Variants in DNAI7 observed in about 807,000 individuals in gnomAD.
DNAI7 encodes dynein axonemal intermediate chain 7.
In DNAI7, 78 loss-of-function variants were observed where a neutral mutation model predicts 86.6. The ratio of observed to expected loss-of-function variants is 0.90; its 90% CI spans 0.75 to 1.09. The LOEUF is 1.09. DNAI7 is among the 50% of genes least tolerant of loss of function. DNAI7 has a pLI of 0.00. For missense variants in DNAI7, 753 were observed against 810.2 expected, an observed-to-expected ratio of 0.93 and a Z score of 0.86; for synonymous variants, 274 against 273.0, an observed-to-expected ratio of 1.00 and a Z score of -0.04.
At chr12:25,130,631 T>C (rs887126673) in intron 9 of DNAI7, among the ~76,000 whole-genome samples, 13 of 152,094 alleles carry the variant, frequency 8.5e-5, no homozygotes, top group African/African-American at 3.1e-4. Context: ...TAAACTATCT[T>C]AAAGCCAGAG....
In DNAI7 at chr12:25,121,822, T is replaced by G. The variant is rs771635199; in HGVS notation, c.1170A>C (p.Gly390=). The change falls in exon 11 of 16, where the codon GGA becomes GGC. Residue 390 remains glycine, a synonymous_variant. Transcript: ENST00000395987. ...VDLCQFTTLG[G]VYHLDILELP... ...GCTCCAAAATATCCAAGTGGTATAC[T>G]CCACCCAGAGTTGTGAACTGGCATA... The G allele has an allele frequency of 1.9e-6, 3 of 1,607,146 alleles. No homozygotes were observed. Among genetic ancestry groups the G allele is most frequent in the African/African-American group, 1.3e-5 (1 of 74,538 alleles).
intron 2 of DNAI7, among the ~76,000 whole-genome samples, chr12:25,166,692 G>A (rs1297630319): frequency 3.3e-5 from 5 of 152,098 alleles, no homozygotes; most frequent in Non-Finnish European, 7.4e-5. Flanking sequence ...CATGGTTAGT[G>A]TGGTCAGAAT....
intron 1 of DNAI7, among the ~76,000 whole-genome samples, chr12:25,194,247 C>T (rs1430728681): frequency 6.6e-6 from 1 of 152,206 alleles, no homozygotes; most frequent in African/African-American, 2.4e-5. Context: ...CTGTGTGTTA[C>T]CCCATTTTAG....
intron 11 of DNAI7, among the ~76,000 whole-genome samples, chr12:25,120,222 T>G (rs1321910636): frequency 3.3e-5 from 5 of 151,540 alleles, no homozygotes; most frequent in Non-Finnish European, 7.4e-5. Flanking sequence ...ACCAAGGTCC[T>G]TAATGGATAG....
chr12:25,143,515 C>T (rs766212533), intron 9 of DNAI7, among the ~76,000 whole-genome samples: 5 of 152,166 alleles, frequency 3.3e-5, no homozygotes, highest in African/African-American at 1.2e-4. Flanking sequence ...TGAGCCACCA[C>T]GCCCGGCCTA....
intron 5 of DNAI7, 76 bp downstream of exon 5, chr12:25,155,235 C>G (rs1565750344): frequency 3.0e-6 from 2 of 667,388 alleles, no homozygotes; most frequent in East Asian, 5.6e-5. Context: ...AGTTTCTTTT[C>G]TTGGCATCAA....
chr12:25,146,674 A>G (rs1168541170), intron 8 of DNAI7, among the ~76,000 whole-genome samples: 2 of 152,196 alleles, frequency 1.3e-5, no homozygotes, highest in Non-Finnish European at 2.9e-5. Flanking sequence ...GGTAAAGAGA[A>G]GAGGAAGACC....
intron 11 of DNAI7, among the ~76,000 whole-genome samples, chr12:25,120,261 T>C (rs1940983930): frequency 6.9e-6 from 1 of 145,450 alleles, no homozygotes; most frequent in Admixed American, 7.3e-5. Context: ...CCCAGCAATC[T>C]GTGTACAGGT....
chr12:25,185,525 A>G (rs1173573850), intron 2 of DNAI7, among the ~76,000 whole-genome samples: 1 of 152,256 alleles, frequency 6.6e-6, no homozygotes, highest in Non-Finnish European at 1.5e-5. Context: ...TGGCCATATT[A>G]GACTTACTTT....
intron 11 of DNAI7, 141 bp from the exon 12 acceptor site, chr12:25,119,442 C>T (rs2140433864): frequency 6.0e-6 from 3 of 503,512 alleles, no homozygotes; most frequent in Non-Finnish European, 1.0e-5. Context: ...CAAAATGTCA[C>T]AACAAAATTT....
At chr12:25,170,077 G>A (rs1947966446) in intron 2 of DNAI7, among the ~76,000 whole-genome samples, 1 of 151,934 alleles carries the variant, frequency 6.6e-6, no homozygotes, top group Non-Finnish European at 1.5e-5. Flanking sequence ...AGACAAAGAG[G>A]GATAGTGTAT....
intron 2 of DNAI7, among the ~76,000 whole-genome samples, chr12:25,178,573 T>C (rs1289953044): frequency 6.6e-6 from 1 of 152,170 alleles, no homozygotes; most frequent in African/African-American, 2.4e-5. Flanking sequence ...GTGCCTCTTA[T>C]TTGAGATATA....
chr12:25,117,201 T>C (rs1940289870), intron 12 of DNAI7, among the ~76,000 whole-genome samples: 1 of 152,222 alleles, frequency 6.6e-6, no homozygotes, highest in African/African-American at 2.4e-5. Context: ...CCCAAAGTGC[T>C]GGGATTACAG....
At chr12:25,143,141 T>C (rs1370366674) in intron 9 of DNAI7, among the ~76,000 whole-genome samples, 2 of 152,172 alleles carry the variant, frequency 1.3e-5, no homozygotes, top group African/African-American at 2.4e-5. Flanking sequence ...CATTTCCTTA[T>C]GCCTTTAAAA....
At chr12:25,155,071 G>A (rs1018556169) in intron 5 of DNAI7, among the ~76,000 whole-genome samples, 4 of 152,270 alleles carry the variant, frequency 2.6e-5, no homozygotes, top group African/African-American at 7.2e-5. Context: ...ATTTCCCTAA[G>A]TATACATTCC....
intron 6 of DNAI7, among the ~76,000 whole-genome samples, chr12:25,150,881 A>G (rs1945459329): frequency 6.6e-6 from 1 of 152,174 alleles, no homozygotes; most frequent in African/African-American, 2.4e-5. Flanking sequence ...GAGAACTACT[A>G]ATATTTTTAC....
chr12:25,126,438 CA>C (rs1246250310), intron 9 of DNAI7, among the ~76,000 whole-genome samples: 1 of 152,078 alleles, frequency 6.6e-6, no homozygotes, highest in Non-Finnish European at 1.5e-5. Context: ...TAGACAAGAT[CA>C]GGACCTACCC....
intron 4 of DNAI7, among the ~76,000 whole-genome samples, chr12:25,155,867 T>C (rs1946098285): frequency 6.6e-6 from 1 of 152,102 alleles, no homozygotes; most frequent in African/African-American, 2.4e-5. Context: ...CCCAGCACTT[T>C]GGGAGGCTGA....
chr12:25,123,010 T>C (rs563245016), intron 10 of DNAI7, among the ~76,000 whole-genome samples: 4 of 152,144 alleles, frequency 2.6e-5, no homozygotes, highest in Admixed American at 6.5e-5. Flanking sequence ...AATCCCATGG[T>C]TTTATTAGAA....
Sources: gnomAD v4.1 joint callset for allele counts (sites outside exome capture counted in the v4.1 genomes callset) on GRCh38, gnomAD v4.1.1 for gene constraint, MANE v1.5 for transcripts, NCBI Gene and HGNC (gene_info 2026-07-23, HGNC 2026-07-21) for gene names.